DIXDC1: variants seen among roughly 807,000 people sequenced by gnomAD.
DIXDC1 encodes the protein dixin.
Under a neutral mutation model 103.1 loss-of-function variants are expected in DIXDC1, and 64 were observed. The ratio of observed to expected loss-of-function variants is 0.62; its 90% confidence interval spans 0.51 to 0.76. The LOEUF (loss-of-function observed/expected upper bound fraction) is 0.76. Ranked by LOEUF, DIXDC1 falls within the 30% of genes least tolerant of loss-of-function variation. The probability of loss-of-function intolerance (pLI) is 0.00; values close to 1 mark genes in which losing one functional copy is unlikely to be tolerated. For synonymous variants in DIXDC1, 266 were observed against 298.5 expected (o/e 0.89, Z 1.12); for missense variants, 759 against 834.2 (o/e 0.91, Z 1.11).
chr11:111,996,654 C>A (rs999103986), intron 17 of DIXDC1, among the ~76,000 whole-genome samples: 1 of 151,890 alleles, frequency 6.6e-6, no homozygotes. Context: ...AGTTCAAGAC[C>A]AGCCTGGCCA....
intron 1 of DIXDC1, 127 bp downstream of exon 1, chr11:111,937,686 A>G: frequency 1.1e-6 from 1 of 905,280 alleles, no homozygotes; most frequent in Non-Finnish European, 1.7e-6. Context: ...CAGAACCCCA[A>G]AGGGGCTAAG....
rs1431765565 is a variant in DIXDC1 at position 111,972,561 on chromosome 11, T to A, written c.317-1462T>A. Among the ~76,000 whole-genome samples the A allele has an allele frequency of 3.3e-5, 5 of 152,132 alleles. 1 individual carries two copies. Among genetic ancestry groups the A allele is most frequent in the Admixed American group, 2.6e-4 (4 of 15,264 alleles). On this transcript the variant is annotated intron_variant, in intron 3 of 19. Transcript: ENST00000440460. The stretch of plus-strand genomic sequence containing the variant: ...GTATCTGAGGACCCTTAGGATAAAA[T>A]CCAGAGTCCTTCCTGTGGCCTCCCA...
chr11:112,014,366 T>C (rs1861522329), intron 17 of DIXDC1, among the ~76,000 whole-genome samples: 1 of 152,212 alleles, frequency 6.6e-6, no homozygotes, highest in African/African-American at 2.4e-5. Context: ...CCTCACAACT[T>C]CCCAATGTAT....
intron 1 of DIXDC1, among the ~76,000 whole-genome samples, chr11:111,960,556 T>C (rs1859539337): frequency 1.4e-5 from 2 of 147,240 alleles, no homozygotes; most frequent in African/African-American, 5.0e-5. Context: ...ATCATGCCAC[T>C]GCACTCCAGC....
At chr11:111,930,914 C>T (rs1965994071) in intron 2 of DIXDC1, among the ~76,000 whole-genome samples, 1 of 141,260 alleles carries the variant, frequency 7.1e-6, no homozygotes, top group African/African-American at 2.7e-5. Context: ...AGTTCAGTGG[C>T]ACCATCTTGG....
rs587616495 is a variant in DIXDC1, at chr11:111,994,454, TACAC to T, written c.1438-561_1438-558del. 1.5e-4 allele frequency among the ~76,000 whole-genome samples: 22 copies of T among 151,520 alleles called. No individual in the cohort carries two copies. The South Asian group carries it at 3.7e-3, about 26-fold the overall frequency. On this transcript the variant is annotated intron_variant, in intron 14 of 19. Transcript: ENST00000440460. ...ATATACACTCACACATATATATACATACACACATATACACATATATACATATATA... is the reference window on the plus strand; with the variant it reads ...ATATACACTCACACATATATATACATACATATACACATATATACATATATA...
At chr11:111,991,840 C>T (rs1860721160) in intron 10 of DIXDC1, among the ~76,000 whole-genome samples, 1 of 152,174 alleles carries the variant, frequency 6.6e-6, no homozygotes, top group Non-Finnish European at 1.5e-5. Context: ...AGCAGCAAGG[C>T]TCTGGAAGCC....
chr11:112,008,037 C>G (rs7929516), intron 17 of DIXDC1, among the ~76,000 whole-genome samples: 22 of 151,024 alleles, frequency 1.5e-4, no homozygotes, highest in African/African-American at 5.1e-4. Flanking sequence ...TCAAACCCAT[C>G]GGTGTGCTGT....
At chr11:111,990,460 A>G (rs1555174425) in intron 10 of DIXDC1, among the ~76,000 whole-genome samples, 1 of 152,090 alleles carries the variant, frequency 6.6e-6, no homozygotes, top group Non-Finnish European at 1.5e-5. Flanking sequence ...TTTTACCCAA[A>G]TGGTAATATA....
At chr11:111,954,046 C>T (rs1315881271) in intron 1 of DIXDC1, among the ~76,000 whole-genome samples, 1 of 152,012 alleles carries the variant, frequency 6.6e-6, no homozygotes, top group Admixed American at 6.6e-5. Context: ...TTTCCATGGA[C>T]CAGGTGGGGG....
At position 111,998,829 on chromosome 11, in the gene DIXDC1, T is replaced by C. The variant is rs1042903100; in HGVS notation, c.1756+2683T>C. 6.6e-6 allele frequency among the ~76,000 whole-genome samples: 1 copy of C among 152,262 alleles called. No individual in the cohort carries two copies. Among genetic ancestry groups the C allele is most frequent in the East Asian group, 1.9e-4 (1 of 5,184 alleles). On this transcript the variant is annotated intron_variant, in intron 17 of 19. Coordinates refer to ENST00000440460, the MANE Select transcript of DIXDC1 (RefSeq NM_001037954.4). The surrounding 1 kb of genome is among the most constrained non-coding windows in gnomAD (Gnocchi z 4.1). ...GATTACAGGCGTGAGCCACCGCGCC[T>C]GGCCTAGTACTATATTTTTAAATGT... is the stretch of plus-strand genomic sequence containing the variant.
intron 17 of DIXDC1, among the ~76,000 whole-genome samples, chr11:111,999,944 T>G (rs1009655498): frequency 1.3e-5 from 2 of 152,190 alleles, no homozygotes; most frequent in Non-Finnish European, 1.5e-5. Context: ...GAAACCAGCC[T>G]GGCCAACCTG....
intron 15 of DIXDC1, 37 bp from the exon 16 acceptor site, chr11:111,995,366 C>G: frequency 6.2e-7 from 1 of 1,604,918 alleles, no homozygotes; most frequent in Admixed American, 1.7e-5. Flanking sequence ...GGAAGTGGCA[C>G]CGTGCCATGC....
intron 5 of DIXDC1, among the ~76,000 whole-genome samples, chr11:111,978,018 G>A (rs1381922687): frequency 2.0e-5 from 3 of 152,138 alleles, no homozygotes; most frequent in Admixed American, 6.5e-5. Flanking sequence ...GTCTTTGGTG[G>A]GGGAGGGCAC....
intron 1 of DIXDC1, among the ~76,000 whole-genome samples, chr11:111,954,363 G>A (rs1555170368): frequency 1.3e-5 from 2 of 152,136 alleles, no homozygotes; most frequent in African/African-American, 4.8e-5. Context: ...GCGGAGGTCA[G>A]GTGGTAATGT....
chr11:111,938,972 A>C (rs1410187103), intron 1 of DIXDC1, among the ~76,000 whole-genome samples: 9 of 152,236 alleles, frequency 5.9e-5, no homozygotes, highest in Admixed American at 2.0e-4. Context: ...GAAACACAGA[A>C]GAGCCGGGAA....
At chr11:111,954,512 AC>A (rs1966872097) in intron 1 of DIXDC1, among the ~76,000 whole-genome samples, 1 of 152,240 alleles carries the variant, frequency 6.6e-6, no homozygotes, top group Non-Finnish European at 1.5e-5. Flanking sequence ...ATTAGCTATT[AC>A]AAGTAATCTA....
chr11:111,928,087 A>C (rs1269435966), intron 1 of DIXDC1, among the ~76,000 whole-genome samples: 1 of 151,912 alleles, frequency 6.6e-6, no homozygotes, highest in Non-Finnish European at 1.5e-5. Flanking sequence ...TGCGACAAGT[A>C]CATATTTTGT....
At chr11:112,009,145 A>T in intron 17 of DIXDC1, among the ~76,000 whole-genome samples, 1 of 152,234 alleles carries the variant, frequency 6.6e-6, no homozygotes, top group Non-Finnish European at 1.5e-5. Flanking sequence ...ATCCCACAGA[A>T]ATACAAACTA....
Sources: allele counts gnomAD v4.1 joint callset (sites outside exome capture counted in the v4.1 genomes callset), GRCh38; gene constraint gnomAD v4.1.1; non-coding constraint Gnocchi (gnomAD v3.1); transcripts MANE v1.5; gene names NCBI Gene and HGNC (gene_info 2026-07-23, HGNC 2026-07-21).